Variants in LHFPL6 observed in about 807,000 individuals in gnomAD.
LHFPL6 encodes LHFPL tetraspan subfamily member 6 protein.
Under a neutral mutation model 20.6 loss-of-function variants are expected in LHFPL6, and 9 were observed. The observed-to-expected ratio is 0.44, with a 90% confidence interval of 0.26 to 0.76. LHFPL6 has a LOEUF of 0.76. Among genes scored for constraint, LHFPL6 ranks in the 30% least tolerant of loss-of-function variants. The pLI, the probability that LHFPL6 is intolerant of heterozygous loss-of-function variation, is 0.20. For missense variants in LHFPL6, 218 were observed against 253.5 expected (o/e 0.86, Z 0.95); for synonymous variants, 105 against 98.7 (o/e 1.06, Z -0.38).
At chr13:39,492,843 G>C (rs1868972716) in intron 2 of LHFPL6, among the ~76,000 whole-genome samples, 1 of 151,888 alleles carries the variant, frequency 6.6e-6, no homozygotes, top group African/African-American at 2.4e-5. Context: ...ACCACGTCCA[G>C]CTAATTTTGT....
intron 3 of LHFPL6, among the ~76,000 whole-genome samples, chr13:39,360,756 CAAAA>C (rs60151758): frequency 2.1e-5 from 1 of 48,134 alleles, no homozygotes. Context: ...TGTAAGGGGA[CAAAA>C]AAAAAAAAAA....
At chr13:39,601,510 T>G (rs1872947483) in intron 1 of LHFPL6, 120 bp from the exon 2 acceptor site, 1 of 278,470 alleles carries the variant, frequency 3.6e-6, no homozygotes, top group Non-Finnish European at 6.7e-6. Flanking sequence ...ACTTTAAAAG[T>G]GGGAAGAACT....
chr13:39,492,414 T>C (rs1868956281), intron 2 of LHFPL6, among the ~76,000 whole-genome samples: 1 of 152,204 alleles, frequency 6.6e-6, no homozygotes, highest in Non-Finnish European at 1.5e-5. Flanking sequence ...AACATCAACA[T>C]ACATTTATAG....
Position 39,378,432 on chromosome 13 carries a change from G to T in LHFPL6, c.480C>A (p.Asp160Glu). Residue 160 changes from aspartate to glutamate, a missense_variant, in exon 3 of 4, where the codon GAC becomes GAA. Transcript: ENST00000379589. ...QTCGYTSGQF[D>E]LGKCEIGWAY... is the part of the protein sequence containing the mutation. ...CCATCCATGAAGAAAGCTTACCCAG[G>T]TCAAACTGGCCAGAAGTGTAGCCAC... 6.2e-7 allele frequency: 1 copy of T among 1,613,424 alleles called. No individual in the cohort carries two copies. Among genetic ancestry groups the T allele is most frequent in the Non-Finnish European group, 8.5e-7 (1 of 1,179,572 alleles).
chr13:39,456,105 A>G (rs1872562760), intron 2 of LHFPL6, among the ~76,000 whole-genome samples: 2 of 152,222 alleles, frequency 1.3e-5, no homozygotes, highest in Non-Finnish European at 2.9e-5. Context: ...GGCAAAAGCC[A>G]TTGCTAACTT....
chr13:39,459,817 G>A (rs1872650408), intron 2 of LHFPL6, among the ~76,000 whole-genome samples: 1 of 152,086 alleles, frequency 6.6e-6, no homozygotes. Context: ...AAAAACTCCA[G>A]CAACCTGAAA....
Position 39,539,456 on chromosome 13 carries a change from C to G in LHFPL6, c.385+61376G>C, listed in dbSNP as rs188877854. Reference sequence around the variant, plus strand: ...TGATTAGTACTTGAACAGCTTTTGACGATAAGTGGACGATTGGGCCCTTCA... The same window carrying G: ...TGATTAGTACTTGAACAGCTTTTGAGGATAAGTGGACGATTGGGCCCTTCA... On this transcript the variant is annotated intron_variant, in intron 2 of 3. Transcript: ENST00000379589. Among the ~76,000 whole-genome samples, 49 of 152,302 alleles carry G rather than the reference C, an allele frequency of 3.2e-4. 1 individual carries two copies. Among genetic ancestry groups the G allele is most frequent in the African/African-American group, 1.1e-3 (47 of 41,576 alleles).
chr13:39,383,773 A>T (rs1033135056), intron 2 of LHFPL6, among the ~76,000 whole-genome samples: 2 of 152,248 alleles, frequency 1.3e-5, no homozygotes, highest in Non-Finnish European at 2.9e-5. Context: ...CTCACGTGGA[A>T]TATAAAAAAT....
At chr13:39,472,424 C>A (rs55749444) in intron 2 of LHFPL6, among the ~76,000 whole-genome samples, 63 of 152,172 alleles carry the variant, frequency 4.1e-4, no homozygotes, top group African/African-American at 1.4e-3. Context: ...AGTGAATCTG[C>A]GTCCTTTCTC....
At chr13:39,479,104 C>CCTAT (rs1220868911) in intron 2 of LHFPL6, among the ~76,000 whole-genome samples, 7 of 140,872 alleles carry the variant, frequency 5.0e-5, no homozygotes, top group African/African-American at 1.6e-4. Flanking sequence ...TTGATCTCTA[C>CCTAT]CTATCTATCC....
chr13:39,403,298 C>G (rs1251922999), intron 2 of LHFPL6, among the ~76,000 whole-genome samples: 1 of 152,206 alleles, frequency 6.6e-6, no homozygotes, highest in Non-Finnish European at 1.5e-5. Context: ...TCTCTATAGG[C>G]TCTTGTGTTC....
intron 2 of LHFPL6, among the ~76,000 whole-genome samples, chr13:39,553,421 T>C (rs2138513709): frequency 6.6e-6 from 1 of 152,284 alleles, no homozygotes; most frequent in African/African-American, 2.4e-5. Context: ...ATTTCAAAAC[T>C]TCAGGCACGG....
At chr13:39,362,814 AG>A (rs1279648748) in intron 3 of LHFPL6, among the ~76,000 whole-genome samples, 1 of 152,212 alleles carries the variant, frequency 6.6e-6, no homozygotes, top group Non-Finnish European at 1.5e-5. Flanking sequence ...AATTAAATAA[AG>A]ATGACACACC....
chr13:39,479,426 C>T (rs1265605237), intron 2 of LHFPL6, among the ~76,000 whole-genome samples: 1 of 152,154 alleles, frequency 6.6e-6, no homozygotes, highest in Non-Finnish European at 1.5e-5. Flanking sequence ...ATGATGTAAG[C>T]AGGCCCTGCA....
At chr13:39,380,796 C>T (rs1293583392) in intron 2 of LHFPL6, among the ~76,000 whole-genome samples, 1 of 151,996 alleles carries the variant, frequency 6.6e-6, no homozygotes, top group Middle Eastern at 3.2e-3. Context: ...CCCGGCCTAG[C>T]ATTAGATTCT....
chr13:39,412,045 G>C (rs1871250304), intron 2 of LHFPL6, among the ~76,000 whole-genome samples: 1 of 152,212 alleles, frequency 6.6e-6, no homozygotes, highest in African/African-American at 2.4e-5. Context: ...CTGGATTCTT[G>C]AATCATCATA....
chr13:39,562,409 C>CATATATACATATATACAT (rs1354505026), intron 2 of LHFPL6, among the ~76,000 whole-genome samples: 1 of 101,816 alleles, frequency 9.8e-6, no homozygotes, highest in African/African-American at 3.2e-5. Context: ...CATATATACA[C>CATATATACATATATACAT]ATATACACAT....
intron 3 of LHFPL6, among the ~76,000 whole-genome samples, chr13:39,366,994 T>G (rs982039616): frequency 6.6e-6 from 1 of 152,232 alleles, no homozygotes; most frequent in Non-Finnish European, 1.5e-5. Flanking sequence ...TAGTTCAGAA[T>G]AGAGTGTCTG....
At chr13:39,560,750 C>A (rs1423858496) in intron 2 of LHFPL6, among the ~76,000 whole-genome samples, 1 of 152,128 alleles carries the variant, frequency 6.6e-6, no homozygotes, top group African/African-American at 2.4e-5. Context: ...CTCCTGACCT[C>A]ATGATCCGCC....
Sources: gnomAD v4.1 joint callset for allele counts (sites outside exome capture counted in the v4.1 genomes callset) on GRCh38, gnomAD v4.1.1 for gene constraint, MANE v1.5 for transcripts, NCBI Gene and HGNC (gene_info 2026-07-23, HGNC 2026-07-21) for gene names.